The following RGS21 variants were observed in gnomAD, a reference collection of about 807,000 sequenced individuals.
The protein encoded by RGS21 is regulator of G-protein signalling 21.
In RGS21, 19 loss-of-function variants were observed where a neutral mutation model predicts 18.7. The ratio of observed to expected loss-of-function variants is 1.01; its 90% confidence interval spans 0.71 to 1.49. The LOEUF is 1.49. Among genes scored for constraint, RGS21 ranks in the 40% most tolerant of loss-of-function variants. The pLI, the probability that RGS21 is intolerant of heterozygous loss-of-function variation, is 0.00. For missense variants in RGS21, 194 were observed against 176.8 expected (o/e 1.10, Z -0.55); for synonymous variants, 56 against 57.8 (o/e 0.97, Z 0.14).
intron 1 of RGS21, among the ~76,000 whole-genome samples, chr1:192,331,510 G>A (rs926997725): frequency 6.6e-6 from 1 of 151,706 alleles, no homozygotes; most frequent in African/African-American, 2.4e-5. Context: ...TCGTGCCACT[G>A]CACTCCAGCC....
chr1:192,325,914 A>T (rs1658563020), intron 1 of RGS21, among the ~76,000 whole-genome samples: 1 of 152,022 alleles, frequency 6.6e-6, no homozygotes, highest in Admixed American at 6.6e-5. Context: ...TAAAATTTTT[A>T]TTTGATTAAC....
intron 4 of RGS21, among the ~76,000 whole-genome samples, chr1:192,355,928 G>A (rs903214012): frequency 2.0e-5 from 3 of 151,302 alleles, no homozygotes; most frequent in Non-Finnish European, 4.4e-5. Context: ...TATGAAATTA[G>A]AATTATAGTA....
At chr1:192,331,352 G>C (rs1658645561) in intron 1 of RGS21, among the ~76,000 whole-genome samples, 1 of 152,098 alleles carries the variant, frequency 6.6e-6, no homozygotes, top group Non-Finnish European at 1.5e-5. Flanking sequence ...AGGAGATCGA[G>C]ACCAACCTGG....
rs371398002 is a variant in RGS21, at chr1:192,357,053, A to G, written c.255+4840A>G. ...CACCAGATAAAAAATAATAATTATA[A>G]TAAACTTCCATGAGTGTCCTAACAA... On this transcript the variant is annotated intron_variant, in intron 4 of 4. Coordinates refer to ENST00000417209, the MANE Select transcript of RGS21 (RefSeq NM_001039152.3). 3.9e-5 allele frequency among the ~76,000 whole-genome samples: 6 copies of G among 151,970 alleles called. No homozygotes were observed. The East Asian group carries it at 1.2e-3, about 29-fold the overall frequency.
At chr1:192,359,778 C>CTATA (rs199823479) in intron 4 of RGS21, among the ~76,000 whole-genome samples, 6 of 137,814 alleles carry the variant, frequency 4.4e-5, no homozygotes, top group African/African-American at 1.8e-4. Flanking sequence ...TTCTCTCTCT[C>CTATA]TCTCTATATA....
At chr1:192,339,489 CT>C (rs146441948) in intron 1 of RGS21, among the ~76,000 whole-genome samples, 8 of 151,480 alleles carry the variant, frequency 5.3e-5, no homozygotes, top group African/African-American at 1.5e-4. Context: ...ATCTCTAAAC[CT>C]TTTTTTTATG....
intron 4 of RGS21, among the ~76,000 whole-genome samples, chr1:192,354,294 A>T (rs1038201947): frequency 6.6e-6 from 1 of 151,776 alleles, no homozygotes; most frequent in African/African-American, 2.4e-5. Flanking sequence ...ACGGTAGGAA[A>T]GAGTGATTTA....
chr1:192,356,487 G>A (rs979434286), intron 4 of RGS21, among the ~76,000 whole-genome samples: 10 of 151,712 alleles, frequency 6.6e-5, no homozygotes, highest in Non-Finnish European at 1.5e-4. Flanking sequence ...TAGAGAAAAT[G>A]GCAAAGCAAC....
chr1:192,355,119 G>C (rs1659093589), intron 4 of RGS21, among the ~76,000 whole-genome samples: 1 of 151,576 alleles, frequency 6.6e-6, no homozygotes, highest in Admixed American at 6.6e-5. Flanking sequence ...AAAGTTTGGA[G>C]CTATCTAGAC....
chr1:192,336,791 A>G (rs1658774113), intron 1 of RGS21, among the ~76,000 whole-genome samples: 1 of 152,144 alleles, frequency 6.6e-6, no homozygotes, highest in South Asian at 2.1e-4. Flanking sequence ...AAAAAATGAT[A>G]TGAAAGCAAA....
intron 2 of RGS21, 97 bp downstream of exon 2, chr1:192,343,144 G>C: frequency 8.9e-7 from 1 of 1,124,718 alleles, no homozygotes; most frequent in Non-Finnish European, 1.4e-6. Context: ...CTTCATTTAT[G>C]ATAAATACGC....
intron 4 of RGS21, among the ~76,000 whole-genome samples, chr1:192,362,015 A>T (rs1193263557): frequency 6.6e-6 from 1 of 152,210 alleles, no homozygotes; most frequent in Non-Finnish European, 1.5e-5. Context: ...AAGGAATTTT[A>T]GATGGTGAAA....
At position 192,342,970 on chromosome 1, in the gene RGS21, C is replaced by T; in HGVS notation, c.-60-7C>T. ...TTGTAATGTTCCTGCTGTCACATTA[C>T]CTTCAGCTTGAAGATCAGTCAGAAA... On this transcript the variant is annotated splice_polypyrimidine_tract_variant and splice_region_variant and intron_variant, in intron 1 of 4. Transcript: ENST00000417209. 3 of 1,519,276 alleles carry T rather than the reference C, an allele frequency of 2.0e-6. No individual in the cohort carries two copies. Among genetic ancestry groups the T allele is most frequent in the Non-Finnish European group, 2.7e-6 (3 of 1,093,956 alleles). 94.1% of individuals were successfully genotyped at this position (1,519,276 alleles called of 1,614,324 possible).
intron 4 of RGS21, among the ~76,000 whole-genome samples, chr1:192,359,797 C>T (rs1557982494): frequency 1.4e-5 from 2 of 142,356 alleles, no homozygotes; most frequent in African/African-American, 2.7e-5. Flanking sequence ...TATATATATA[C>T]ACATAGTAAG....
intron 1 of RGS21, among the ~76,000 whole-genome samples, chr1:192,340,919 C>A (rs774407028): frequency 6.6e-6 from 1 of 152,070 alleles, no homozygotes; most frequent in Non-Finnish European, 1.5e-5. Context: ...GTACCTCCCA[C>A]AATACGTGAG....
chr1:192,335,028 A>G (rs559144620), intron 1 of RGS21, among the ~76,000 whole-genome samples: 1 of 152,236 alleles, frequency 6.6e-6, no homozygotes, highest in African/African-American at 2.4e-5. Flanking sequence ...TAACAGTATT[A>G]AGGTATGATC....
At position 192,347,050 on chromosome 1, in the gene RGS21, T is replaced by C. The variant is rs557543149; in HGVS notation, c.12-263T>C. Among the ~76,000 whole-genome samples the C allele has an allele frequency of 4.3e-4, 65 of 152,322 alleles. 2 individuals carry two copies. The South Asian group carries it at 0.011, about 25-fold the overall frequency. On this transcript the variant is annotated intron_variant, in intron 2 of 4. Coordinates refer to ENST00000417209, the MANE Select transcript of RGS21 (RefSeq NM_001039152.3). The stretch of plus-strand genomic sequence containing the variant: ...ATTGATCCACAGAACCGATATCTTT[T>C]ATGCCTTTATTAGAATTTAAGAAGC...
intron 1 of RGS21, among the ~76,000 whole-genome samples, chr1:192,317,853 T>C (rs1658441599): frequency 6.6e-6 from 1 of 152,020 alleles, no homozygotes; most frequent in Non-Finnish European, 1.5e-5. Flanking sequence ...TTATATTAAG[T>C]TCTTTAAAAT....
chr1:192,319,754 C>T (rs1463887277), intron 1 of RGS21, among the ~76,000 whole-genome samples: 2 of 152,050 alleles, frequency 1.3e-5, no homozygotes, highest in African/African-American at 4.8e-5. Context: ...TGACATAGAA[C>T]TTCTGCTACA....
Sources: allele counts gnomAD v4.1 joint callset (sites outside exome capture counted in the v4.1 genomes callset), GRCh38; gene constraint gnomAD v4.1.1; transcripts MANE v1.5; gene names NCBI Gene and HGNC (gene_info 2026-07-23, HGNC 2026-07-21).